The following MYLK4 variants were observed in gnomAD, a reference collection of about 807,000 sequenced individuals.
MYLK4 encodes the protein caMLCK like.
In MYLK4, 46 loss-of-function variants were observed where a neutral mutation model predicts 48.1. The ratio of observed to expected loss-of-function variants is 0.96; its 90% CI spans 0.75 to 1.22. The LOEUF is 1.22. Among genes scored for constraint, MYLK4 ranks in the 50% most tolerant of loss-of-function variants. MYLK4 has a pLI of 0.00. For synonymous variants in MYLK4, 170 were observed against 180.8 expected (o/e 0.94, Z 0.48); for missense variants, 451 against 486.1 (o/e 0.93, Z 0.68).
chr6:2,744,090 G>T (rs1051361041), intron 2 of MYLK4: 3 of 398,410 alleles, frequency 7.5e-6, no homozygotes, highest in South Asian at 1.3e-4. Context: ...TCCCTGCCCT[G>T]ATCTAGCACC....
intron 2 of MYLK4, among the ~76,000 whole-genome samples, chr6:2,722,559 G>C (rs1057001050): frequency 1.3e-5 from 2 of 149,578 alleles, no homozygotes; most frequent in Non-Finnish European, 1.5e-5. Context: ...GTGTGTGTTG[G>C]AGGTGGAAAA....
intron 7 of MYLK4, 83 bp from the exon 8 acceptor site, chr6:2,680,374 C>G (rs190504054): frequency 6.3e-7 from 1 of 1,597,230 alleles, no homozygotes; most frequent in Admixed American, 1.7e-5. Flanking sequence ...AAAAATACAA[C>G]GATGCTCAGA....
intron 2 of MYLK4, among the ~76,000 whole-genome samples, chr6:2,704,723 T>C (rs1762424719): frequency 6.6e-6 from 1 of 152,222 alleles, no homozygotes; most frequent in African/African-American, 2.4e-5. Context: ...AACTAATTTT[T>C]CCAGAAGGCA....
intron 2 of MYLK4, among the ~76,000 whole-genome samples, chr6:2,715,355 G>C (rs1283476715): frequency 6.6e-6 from 1 of 152,004 alleles, no homozygotes; most frequent in Non-Finnish European, 1.5e-5. Context: ...CAATGTGAAT[G>C]TACTTAGCAT....
At chr6:2,762,854 C>T in the MYLK4 span, among the ~76,000 whole-genome samples, 1 of 152,176 alleles carries the variant, frequency 6.6e-6, no homozygotes, top group Non-Finnish European at 1.5e-5. Context: ...CCGTTCCTGC[C>T]AGTGGGTTCA....
chr6:2,762,852 G>A, the MYLK4 span, among the ~76,000 whole-genome samples: 2 of 152,164 alleles, frequency 1.3e-5, no homozygotes, highest in Non-Finnish European at 2.9e-5. Flanking sequence ...AGCCGTTCCT[G>A]CCAGTGGGTT....
At chr6:2,764,266 C>T in the MYLK4 span, among the ~76,000 whole-genome samples, 3 of 152,088 alleles carry the variant, frequency 2.0e-5, no homozygotes, top group African/African-American at 7.2e-5. Context: ...AACTCTTAAC[C>T]AGCCAGCCAG....
At position 2,701,023 on chromosome 6, in the gene MYLK4, G is replaced by A. The variant is rs575649247; in HGVS notation, c.160-8164C>T. Among the ~76,000 whole-genome samples the A allele has an allele frequency of 4.5e-4, 69 of 152,296 alleles. 1 individual carries two copies. Among genetic ancestry groups the A allele is most frequent in the South Asian group, 3.7e-3 (18 of 4,824 alleles). ...GTGAGGCTACTAAGAAATTGAGAGC[G>A]TGAGTGCATGTGTGTGTCAACCGAC... is the stretch of plus-strand genomic sequence containing the variant. On this transcript the variant is annotated intron_variant, in intron 2 of 12. Coordinates refer to ENST00000274643, the MANE Select transcript of MYLK4 (RefSeq NM_001012418.5).
the MYLK4 span, chr6:2,766,126 C>T: frequency 8.3e-6 from 11 of 1,324,974 alleles, no homozygotes; most frequent in South Asian, 4.3e-5. Flanking sequence ...AGGAGGAGGC[C>T]GTGGGCGACG....
At chr6:2,684,050 T>C (rs1455163314) in intron 6 of MYLK4, among the ~76,000 whole-genome samples, 2 of 152,202 alleles carry the variant, frequency 1.3e-5, no homozygotes, top group African/African-American at 4.8e-5. Context: ...GTTTAATTCA[T>C]AAATTAAGCA....
At chr6:2,690,949 C>T (rs1347168310) in intron 3 of MYLK4, among the ~76,000 whole-genome samples, 3 of 151,302 alleles carry the variant, frequency 2.0e-5, no homozygotes, top group African/African-American at 7.3e-5. Context: ...CTGCCTCAGC[C>T]TCCCGAGTAG....
the MYLK4 span, among the ~76,000 whole-genome samples, chr6:2,759,272 G>A: frequency 6.6e-6 from 1 of 152,004 alleles, no homozygotes; most frequent in African/African-American, 2.4e-5. Flanking sequence ...CAAGCTAATT[G>A]TTTAAAAAAT....
chr6:2,725,527 AAAAGAAACAAAG>A (rs1261313991), intron 2 of MYLK4, among the ~76,000 whole-genome samples: 3 of 135,174 alleles, frequency 2.2e-5, no homozygotes, highest in East Asian at 2.1e-4. Context: ...GAGAGAGAGA[AAAAGAAACAAAG>A]AAAGAAACAA....
At chr6:2,684,025 T>G (rs1761431697) in intron 6 of MYLK4, among the ~76,000 whole-genome samples, 2 of 152,202 alleles carry the variant, frequency 1.3e-5, no homozygotes, top group African/African-American at 4.8e-5. Flanking sequence ...CCTATAGACA[T>G]ATAACTCCGA....
intron 12 of MYLK4, 128 bp downstream of exon 12, chr6:2,671,148 A>T: frequency 1.6e-6 from 1 of 637,828 alleles, no homozygotes; most frequent in Non-Finnish European, 2.7e-6. Context: ...GTCTGATTTC[A>T]GGGCCCTCCA....
intron 2 of MYLK4, among the ~76,000 whole-genome samples, chr6:2,734,897 T>TG (rs1763614962): frequency 3.3e-5 from 5 of 152,112 alleles, no homozygotes; most frequent in Admixed American, 3.3e-4. Flanking sequence ...TTCAGCAGGT[T>TG]GGATGGGGCC....
At chr6:2,718,231 C>T (rs940814169) in intron 2 of MYLK4, among the ~76,000 whole-genome samples, 1 of 151,392 alleles carries the variant, frequency 6.6e-6, no homozygotes, top group African/African-American at 2.4e-5. Flanking sequence ...AAATCCTAGA[C>T]ATCTAGTGCT....
At chr6:2,709,666 G>A (rs1762604766) in intron 2 of MYLK4, among the ~76,000 whole-genome samples, 1 of 152,242 alleles carries the variant, frequency 6.6e-6, no homozygotes, top group South Asian at 2.1e-4. Flanking sequence ...CCAACATTCA[G>A]TCACAGATTG....
intron 2 of MYLK4, among the ~76,000 whole-genome samples, chr6:2,740,583 C>T (rs1409878014): frequency 6.6e-6 from 1 of 152,150 alleles, no homozygotes; most frequent in Non-Finnish European, 1.5e-5. Flanking sequence ...GGGCTTCTTT[C>T]CTTCCCTGTT....
Sources: allele counts gnomAD v4.1 joint callset (sites outside exome capture counted in the v4.1 genomes callset), GRCh38; gene constraint gnomAD v4.1.1; transcripts MANE v1.5; gene names NCBI Gene and HGNC (gene_info 2026-07-23, HGNC 2026-07-21).